The following BIRC6 variants were observed in gnomAD, a reference collection of about 807,000 sequenced individuals.
BIRC6 encodes the protein baculoviral IAP repeat containing 6, also known as dual E2 ubiquitin-conjugating enzyme/E3 ubiquitin-protein ligase BIRC6.
Under a neutral mutation model 503.3 loss-of-function variants are expected in BIRC6, and 98 were observed. The ratio of observed to expected loss-of-function variants is 0.19; its 90% CI spans 0.17 to 0.23. The LOEUF is 0.23. Among genes scored for constraint, BIRC6 ranks in the 10% least tolerant of loss-of-function variants. The pLI is 1.00. For missense variants in BIRC6, 5,360 were observed against 5,806.0 expected (o/e 0.92, Z 2.50); for synonymous variants, 2,240 against 2,078.7 (o/e 1.08, Z -2.11).
At chr2:32,400,458 C>T (rs1035526422) in intron 6 of BIRC6, among the ~76,000 whole-genome samples, 2 of 151,318 alleles carry the variant, frequency 1.3e-5, no homozygotes, top group African/African-American at 4.9e-5. Context: ...TCTGCCTCAG[C>T]CTCCTGAGTA....
At chr2:32,457,454 T>G (rs1184456249) in intron 23 of BIRC6, among the ~76,000 whole-genome samples, 1 of 152,142 alleles carries the variant, frequency 6.6e-6, no homozygotes, top group Non-Finnish European at 1.5e-5. Context: ...ACTGGTCAAT[T>G]TTTCCATTTT....
intron 47 of BIRC6, 116 bp from the exon 48 acceptor site, chr2:32,502,679 C>T: frequency 3.1e-6 from 2 of 645,152 alleles, no homozygotes; most frequent in East Asian, 3.1e-5. Flanking sequence ...TTGTATTTAG[C>T]GTATTTAAGG....
intron 2 of BIRC6, chr2:32,378,859 T>G (rs2037219362): frequency 6.6e-6 from 1 of 152,242 alleles, no homozygotes; most frequent in Non-Finnish European, 1.5e-5. Context: ...CTTTACTTAA[T>G]TTTTAAGTCT....
At chr2:32,369,940 AAAAAAATATATATATATAT>A (rs1300183156) in intron 1 of BIRC6, among the ~76,000 whole-genome samples, 1 of 50,206 alleles carries the variant, frequency 2.0e-5, no homozygotes, top group African/African-American at 1.1e-4. Flanking sequence ...AAAAAAAAAA[AAAAAAATATATATATATAT>A]ATATATATAT....
At chr2:32,371,003 T>G (rs1390849954) in intron 1 of BIRC6, among the ~76,000 whole-genome samples, 1 of 151,948 alleles carries the variant, frequency 6.6e-6, no homozygotes, top group South Asian at 2.1e-4. Flanking sequence ...TCCTTTGAAA[T>G]TTTCAATTTT....
intron 40 of BIRC6, among the ~76,000 whole-genome samples, chr2:32,486,833 T>C (rs749380944): frequency 1.3e-5 from 2 of 152,214 alleles, no homozygotes; most frequent in Non-Finnish European, 2.9e-5. Context: ...TCAGTATTGG[T>C]ACACAAATAT....
At chr2:32,412,464 T>C (rs995457306) in intron 9 of BIRC6, among the ~76,000 whole-genome samples, 70 of 151,406 alleles carry the variant, frequency 4.6e-4, no homozygotes, top group African/African-American at 1.6e-3. Flanking sequence ...GCCATTGCAC[T>C]CCCGCCTGGG....
Position 32,445,583 on chromosome 2 carries a change from A to G in BIRC6, c.4399A>G (p.Ser1467Gly), listed in dbSNP as rs775736553. Residue 1467 changes from serine (S) to glycine (G), a missense_variant, in exon 21 of 74, where the codon AGT becomes GGT. Coordinates refer to ENST00000421745, the MANE Select transcript of BIRC6 (RefSeq NM_016252.4). ...YVKDEDLAGC[S>G]TACASLLTAV... ...GAAAGATGAAGATCTGGCTGGATGCAGTACAGCTTGTGCATCTTTGCTTAC... is the reference window on the plus strand; with the variant it reads ...GAAAGATGAAGATCTGGCTGGATGCGGTACAGCTTGTGCATCTTTGCTTAC... The G allele has an allele frequency of 1.2e-5, 19 of 1,606,864 alleles. No homozygotes were observed. Among genetic ancestry groups the G allele is most frequent in the Non-Finnish European group, 1.5e-5 (18 of 1,176,330 alleles).
At position 32,445,955 on chromosome 2, in the gene BIRC6, T is replaced by A. The variant is rs1443697086; in HGVS notation, c.4484+287T>A. Among the ~76,000 whole-genome samples, 24 of 152,014 alleles carry A rather than the reference T, an allele frequency of 1.6e-4. 1 individual carries two copies. The highest frequency in any genetic ancestry group is 1.6e-3 in the Admixed American group (24 of 15,250). On this transcript the variant is annotated intron_variant, in intron 21 of 73. Transcript: ENST00000421745. The stretch of plus-strand genomic sequence containing the variant: ...TCACCACAACCTCCATCTCCCGGGT[T>A]CAAGCGATTCTCCTGCCTCAGCCTC...
At chr2:32,556,641 A>T (rs2058797708) in intron 65 of BIRC6, among the ~76,000 whole-genome samples, 1 of 152,120 alleles carries the variant, frequency 6.6e-6, no homozygotes, top group Admixed American at 6.6e-5. Context: ...ATGGTAAATC[A>T]TGAAATGCTT....
Position 32,490,160 on chromosome 2 carries a change from A to G in BIRC6, c.8206+9A>G. The G allele has an allele frequency of 6.4e-7, 1 of 1,565,734 alleles. No individual in the cohort carries two copies. Among genetic ancestry groups the G allele is most frequent in the South Asian group, 1.1e-5 (1 of 89,952 alleles). On this transcript the variant is annotated intron_variant, in intron 43 of 73. Coordinates refer to ENST00000421745, the MANE Select transcript of BIRC6 (RefSeq NM_016252.4). ...AAACATGCAGCTTAATTGTAAGTTC[A>G]TAAATTTATTCATTTAAATCTCTGA...
intron 45 of BIRC6, among the ~76,000 whole-genome samples, chr2:32,498,187 G>A (rs979440487): frequency 6.6e-6 from 1 of 152,142 alleles, no homozygotes; most frequent in Middle Eastern, 3.4e-3. Flanking sequence ...TTAACTTGCC[G>A]AATAGCTGGG....
At chr2:32,579,847 G>A (rs923679570) in intron 66 of BIRC6, among the ~76,000 whole-genome samples, 1 of 151,354 alleles carries the variant, frequency 6.6e-6, no homozygotes, top group Non-Finnish European at 1.5e-5. Flanking sequence ...CATTACTGAT[G>A]CATTCACTTA....
intron 10 of BIRC6, among the ~76,000 whole-genome samples, chr2:32,428,296 C>T (rs953194584): frequency 6.6e-6 from 1 of 152,228 alleles, no homozygotes; most frequent in Non-Finnish European, 1.5e-5. Flanking sequence ...CTGTGCTTCT[C>T]TCACTACATG....
At chr2:32,512,701 A>G (rs557564136) in intron 53 of BIRC6, among the ~76,000 whole-genome samples, 1 of 152,238 alleles carries the variant, frequency 6.6e-6, no homozygotes, top group Non-Finnish European at 1.5e-5. Flanking sequence ...TGTTATCTCA[A>G]ACCTTTTGAT....
intron 71 of BIRC6, among the ~76,000 whole-genome samples, chr2:32,605,949 A>G (rs1255928863): frequency 6.6e-6 from 1 of 152,246 alleles, no homozygotes; most frequent in Admixed American, 6.5e-5. Flanking sequence ...GCTTGGCATC[A>G]GTATGGTCAC....
At chr2:32,477,063 T>G (rs1231246128) in intron 34 of BIRC6, among the ~76,000 whole-genome samples, 1 of 152,208 alleles carries the variant, frequency 6.6e-6, no homozygotes, top group Admixed American at 6.5e-5. Flanking sequence ...GTTTAGGATG[T>G]TACGGTAATA....
chr2:32,360,351 A>T (rs1034198889), intron 1 of BIRC6, among the ~76,000 whole-genome samples: 9 of 152,208 alleles, frequency 5.9e-5, no homozygotes, highest in African/African-American at 2.2e-4. Context: ...TAAAATGTTT[A>T]TAAATACAGT....
intron 55 of BIRC6, among the ~76,000 whole-genome samples, chr2:32,516,311 C>T (rs1489639855): frequency 6.6e-6 from 1 of 151,588 alleles, no homozygotes; most frequent in African/African-American, 2.4e-5. Flanking sequence ...GTCAGGAGTT[C>T]AAGACCAGTC....
Sources: allele counts gnomAD v4.1 joint callset (sites outside exome capture counted in the v4.1 genomes callset), GRCh38; gene constraint gnomAD v4.1.1; transcripts MANE v1.5; gene names NCBI Gene and HGNC (gene_info 2026-07-23, HGNC 2026-07-21).